The following CAPN13 variants were observed in gnomAD, a reference collection of about 807,000 sequenced individuals.
CAPN13 encodes the protein calpain 13.
Under a neutral mutation model 98.4 loss-of-function variants are expected in CAPN13, and 90 were observed. That is an observed-to-expected ratio of 0.92 (90% CI 0.77 to 1.09). CAPN13 has a LOEUF of 1.09. Among genes scored for constraint, CAPN13 ranks in the 50% least tolerant of loss-of-function variants. The probability of loss-of-function intolerance (pLI) is 0.00; values close to 1 mark genes in which losing one functional copy is unlikely to be tolerated. For synonymous variants in CAPN13, 330 were observed against 305.5 expected (o/e 1.08, Z -0.84); for missense variants, 887 against 841.3 (o/e 1.05, Z -0.67).
At chr2:30,755,868 C>T (rs541596066) in intron 8 of CAPN13, among the ~76,000 whole-genome samples, 1 of 122,170 alleles carries the variant, frequency 8.2e-6, no homozygotes, top group South Asian at 2.6e-4. Flanking sequence ...GCTATTGATT[C>T]ATGCAAGTTT....
intron 13 of CAPN13, 103 bp downstream of exon 13, chr2:30,743,280 A>G: frequency 9.7e-7 from 1 of 1,035,984 alleles, no homozygotes; most frequent in Non-Finnish European, 1.5e-6. Flanking sequence ...CCAGTGACAT[A>G]GCACAGGCTG....
intron 11 of CAPN13, 150 bp downstream of exon 11, chr2:30,750,953 C>A: frequency 4.6e-6 from 4 of 867,348 alleles, no homozygotes; most frequent in South Asian, 1.8e-5. Context: ...CACATTTAGA[C>A]TTGGACTGCA....
rs935846746 is a variant in CAPN13, at chr2:30,802,979, C to T, written c.-33+4323G>A. The stretch of plus-strand genomic sequence containing the variant: ...TGGCTCAGGACAGCCCCTGGGTTGA[C>T]GGAACGTGCATCTGGTGGTCTGCTG... On this transcript the variant is annotated intron_variant, in intron 1 of 22. Coordinates refer to ENST00000295055, the MANE Select transcript of CAPN13 (RefSeq NM_144575.3). 3.1e-4 allele frequency among the ~76,000 whole-genome samples: 47 copies of T among 152,268 alleles called. 1 individual carries two copies. The South Asian group carries it at 4.8e-3, about 15-fold the overall frequency.
At chr2:30,743,185 T>G in intron 13 of CAPN13, 198 bp downstream of exon 13, 1 of 605,590 alleles carries the variant, frequency 1.7e-6, no homozygotes. Context: ...GGACCCATCC[T>G]GTTTGTGGTC....
chr2:30,790,604 C>A (rs1674553725), intron 1 of CAPN13, among the ~76,000 whole-genome samples: 1 of 152,172 alleles, frequency 6.6e-6, no homozygotes. Flanking sequence ...TCCCTGTGTC[C>A]TTTGCTGAGT....
At chr2:30,725,618 C>T (rs553086476) in intron 22 of CAPN13, among the ~76,000 whole-genome samples, 6 of 152,242 alleles carry the variant, frequency 3.9e-5, no homozygotes, top group South Asian at 2.1e-4. Flanking sequence ...AGACTTTGCT[C>T]GCTCCAGGGA....
At chr2:30,795,185 T>C (rs1010469068) in intron 1 of CAPN13, among the ~76,000 whole-genome samples, 8 of 152,048 alleles carry the variant, frequency 5.3e-5, no homozygotes, top group African/African-American at 1.7e-4. Context: ...TCAATGGACA[T>C]TTAATGCTCT....
chr2:30,763,857 G>A (rs369107436), intron 6 of CAPN13, among the ~76,000 whole-genome samples: 2 of 152,352 alleles, frequency 1.3e-5, no homozygotes, highest in African/African-American at 4.8e-5. Context: ...CAGCAGCATT[G>A]GAAGACTTGT....
At chr2:30,806,392 A>G (rs941632877) in intron 1 of CAPN13, 3 of 143,750 alleles carry the variant, frequency 2.1e-5, no homozygotes, top group Non-Finnish European at 4.6e-5. Context: ...CACTCCTCCA[A>G]CCTTCAAAAT....
chr2:30,746,063 G>C (rs561956), intron 11 of CAPN13, among the ~76,000 whole-genome samples: 39,486 of 151,754 alleles, frequency 0.26, 5,976 homozygotes, highest in Non-Finnish European at 0.32. Flanking sequence ...ACCATGCCTG[G>C]CTAATTTTTG....
chr2:30,758,631 A>G (rs1368820865), intron 7 of CAPN13, among the ~76,000 whole-genome samples: 1 of 152,176 alleles, frequency 6.6e-6, no homozygotes, highest in African/African-American at 2.4e-5. Flanking sequence ...AGATTTGAGC[A>G]AGACTGAGAT....
chr2:30,793,188 A>C (rs1381910279), intron 1 of CAPN13, among the ~76,000 whole-genome samples: 2 of 151,890 alleles, frequency 1.3e-5, no homozygotes, highest in African/African-American at 4.8e-5. Context: ...AAAGATCAGA[A>C]ACAAGAAGGT....
intron 1 of CAPN13, among the ~76,000 whole-genome samples, chr2:30,800,001 G>A (rs913851944): frequency 1.3e-5 from 2 of 151,984 alleles, no homozygotes; most frequent in African/African-American, 4.8e-5. Flanking sequence ...ATGAACCCGG[G>A]AGGCAGAGCT....
chr2:30,795,892 C>T (rs1285239524), intron 1 of CAPN13, among the ~76,000 whole-genome samples: 1 of 151,834 alleles, frequency 6.6e-6, no homozygotes, highest in Non-Finnish European at 1.5e-5. Flanking sequence ...GTAATTAACA[C>T]ATTCTTCCAA....
chr2:30,792,053 A>G (rs1674633199), intron 1 of CAPN13, among the ~76,000 whole-genome samples: 1 of 152,316 alleles, frequency 6.6e-6, no homozygotes, highest in African/African-American at 2.4e-5. Flanking sequence ...CAATAACAAT[A>G]GAATATTTAG....
intron 5 of CAPN13, among the ~76,000 whole-genome samples, chr2:30,770,020 G>A (rs569498150): frequency 2.9e-4 from 44 of 152,260 alleles, no homozygotes; most frequent in East Asian, 1.9e-3. Flanking sequence ...CGCTCTCATC[G>A]GACTTTGACC....
rs1210005740 is a variant in CAPN13, at chr2:30,755,235, C to T, written c.867-871G>A. On this transcript the variant is annotated intron_variant, in intron 8 of 22. Coordinates refer to ENST00000295055, the MANE Select transcript of CAPN13 (RefSeq NM_144575.3). ...TCATCTTTCCTCTTAAAGGGCATTG[C>T]CTCTGGGAAGCCTTGCTTGGCCCCC... 3.3e-5 allele frequency among the ~76,000 whole-genome samples: 5 copies of T among 152,186 alleles called. No homozygotes were observed. In the East Asian group the frequency reaches 9.7e-4, roughly 30 times the overall value.
chr2:30,727,542 C>T (rs565266572), intron 22 of CAPN13, among the ~76,000 whole-genome samples: 1 of 152,152 alleles, frequency 6.6e-6, no homozygotes, highest in South Asian at 2.1e-4. Context: ...TAAAATAACC[C>T]ACAAGCACTG....
At chr2:30,736,406 T>C (rs889028836) in intron 18 of CAPN13, 97 bp downstream of exon 18, 1 of 1,236,590 alleles carries the variant, frequency 8.1e-7, no homozygotes. Flanking sequence ...GTTCCTCTTC[T>C]TTCATACCCC....
Sources: gnomAD v4.1 joint callset for allele counts (sites outside exome capture counted in the v4.1 genomes callset) on GRCh38, gnomAD v4.1.1 for gene constraint, MANE v1.5 for transcripts, NCBI Gene and HGNC (gene_info 2026-07-23, HGNC 2026-07-21) for gene names.